The following SORBS2 variants were observed in gnomAD, a reference collection of about 807,000 sequenced individuals.
SORBS2 encodes the protein sorbin and SH3 domain containing 2, also known as sorbin and SH3 domain-containing protein 2.
A neutral mutation model predicts 97.7 loss-of-function variants in SORBS2; 46 were observed. The ratio of observed to expected loss-of-function variants is 0.47; its 90% CI spans 0.37 to 0.60. SORBS2 has a LOEUF of 0.60. Ranked by LOEUF, SORBS2 falls within the 20% of genes least tolerant of loss-of-function variation. The pLI is 0.00. For missense variants in SORBS2, 1,316 were observed against 1,282.3 expected, an observed-to-expected ratio of 1.03 and a Z score of -0.40; for synonymous variants, 476 against 473.4, an observed-to-expected ratio of 1.01 and a Z score of -0.07.
At chr4:185,909,845 A>G (rs2099253894) in intron 1 of SORBS2, among the ~76,000 whole-genome samples, 3 of 152,064 alleles carry the variant, frequency 2.0e-5, no homozygotes, top group Non-Finnish European at 4.4e-5. Context: ...TTTGCCAGGC[A>G]TGGTGGCAGG....
intron 1 of SORBS2, among the ~76,000 whole-genome samples, chr4:185,942,407 G>A (rs1232859843): frequency 1.3e-5 from 2 of 151,364 alleles, no homozygotes; most frequent in African/African-American, 4.9e-5. Context: ...CTGGAGTGCA[G>A]TGGTGTGATC....
chr4:185,619,936 T>A, intron 8 of SORBS2, 127 bp downstream of exon 20: 1 of 723,152 alleles, frequency 1.4e-6, no homozygotes, highest in South Asian at 1.6e-5. Flanking sequence ...AGGAAAATTG[T>A]TTCTAGTTTC....
At chr4:185,896,892 CAAAA>C (rs70962602) in intron 1 of SORBS2, among the ~76,000 whole-genome samples, 7 of 109,842 alleles carry the variant, frequency 6.4e-5, no homozygotes, top group Admixed American at 2.7e-4. Flanking sequence ...TACACATGGC[CAAAA>C]AAAAAAAAAA....
intron 2 of SORBS2, among the ~76,000 whole-genome samples, chr4:185,755,507 T>A (rs899043042): frequency 6.6e-6 from 1 of 152,220 alleles, no homozygotes; most frequent in Admixed American, 6.5e-5. Flanking sequence ...AGTTTTCTAC[T>A]CATAAAATAC....
At chr4:185,611,570 A>T (rs2096539718) in intron 12 of SORBS2, among the ~76,000 whole-genome samples, 1 of 152,190 alleles carries the variant, frequency 6.6e-6, no homozygotes, top group South Asian at 2.1e-4. Context: ...GAAATGAGCA[A>T]AATTAATCAT....
intron 1 of SORBS2, among the ~76,000 whole-genome samples, chr4:185,838,836 C>T (rs891838646): frequency 6.4e-4 from 98 of 152,142 alleles, no homozygotes; most frequent in Non-Finnish European, 1.2e-3. Flanking sequence ...GACATGGAAC[C>T]TCCTGTCTCT....
At chr4:185,887,358 A>G (rs1436759136) in intron 1 of SORBS2, among the ~76,000 whole-genome samples, 2 of 152,242 alleles carry the variant, frequency 1.3e-5, no homozygotes, top group Non-Finnish European at 1.5e-5. Context: ...TCTTTTATAC[A>G]GTTCCGAAAC....
chr4:185,779,437 C>T (rs1434779222), intron 1 of SORBS2, among the ~76,000 whole-genome samples: 1 of 152,156 alleles, frequency 6.6e-6, no homozygotes, highest in Non-Finnish European at 1.5e-5. Flanking sequence ...AAAAACTGTG[C>T]AGATTTCCAT....
At chr4:185,638,962 C>T (rs1168222730) in intron 4 of SORBS2, 2 of 1,523,426 alleles carry the variant, frequency 1.3e-6, no homozygotes, top group South Asian at 1.2e-5. Context: ...AGTGACTTCT[C>T]CGAGTCGGGA....
intron 1 of SORBS2, among the ~76,000 whole-genome samples, chr4:185,797,193 G>A (rs1226870283): frequency 6.6e-6 from 1 of 152,212 alleles, no homozygotes; most frequent in Non-Finnish European, 1.5e-5. Context: ...GGCAGACACT[G>A]TTTCAGATGC....
At chr4:185,921,040 G>C (rs1441143948) in intron 1 of SORBS2, among the ~76,000 whole-genome samples, 1 of 152,206 alleles carries the variant, frequency 6.6e-6, no homozygotes, top group African/African-American at 2.4e-5. Flanking sequence ...GGGCTGGGCG[G>C]GGAATGCTGA....
intron 1 of SORBS2, among the ~76,000 whole-genome samples, chr4:185,813,525 G>A (rs138039047): frequency 0.013 from 2,021 of 152,294 alleles, 27 homozygotes; most frequent in Admixed American, 0.034. Flanking sequence ...CTTCCCTGAA[G>A]TTATTTTGCA....
intron 1 of SORBS2, among the ~76,000 whole-genome samples, chr4:185,655,807 T>G (rs1030245081): frequency 6.6e-6 from 1 of 152,228 alleles, no homozygotes; most frequent in Non-Finnish European, 1.5e-5. Flanking sequence ...AAATTATGTC[T>G]TATAAAGGAA....
Position 185,868,403 on chromosome 4 carries a change from A to G in SORBS2, c.-338+87793T>C, listed in dbSNP as rs563272610. Among the ~76,000 whole-genome samples, 240 of 151,012 alleles carry G rather than the reference A, an allele frequency of 1.6e-3. 3 individuals are homozygous for G. In the South Asian group the frequency reaches 0.016, roughly 10 times the overall value. ...AATCTCCTGATCTCGTGATCCACCC[A>G]CCTCGGCCTCCCAAAGTGCTGGGAT... On this transcript the variant is annotated intron_variant, in intron 1 of 20. Coordinates refer to the SORBS2 transcript ENST00000284776.
chr4:185,677,292 A>G (rs1368407221), intron 4 of SORBS2: 3 of 1,552,092 alleles, frequency 1.9e-6, no homozygotes, highest in South Asian at 2.4e-5. Flanking sequence ...GGTTAGTTTC[A>G]AGGTAGAAAT....
At chr4:185,818,611 G>C (rs1446426632) in intron 1 of SORBS2, among the ~76,000 whole-genome samples, 1 of 151,996 alleles carries the variant, frequency 6.6e-6, no homozygotes, top group African/African-American at 2.4e-5. Context: ...CCTTGTGAGA[G>C]GTCAGGAGAT....
At position 185,806,589 on chromosome 4, in the gene SORBS2, C is replaced by T. The variant is rs867804396; in HGVS notation, c.-337-31223G>A. Among the ~76,000 whole-genome samples the T allele has an allele frequency of 1.4e-3, 210 of 150,298 alleles. 1 individual carries two copies. Among genetic ancestry groups the T allele is most frequent in the Middle Eastern group, 3.4e-3 (1 of 290 alleles). On this transcript the variant is annotated intron_variant, in intron 1 of 20. Transcript: ENST00000284776. ...TCTCCTGCCTCAGCCTCCCGAGTAG[C>T]TGGGACTACAGGCGCCCGCCACTAC...
intron 4 of SORBS2, 108 bp downstream of exon 14, chr4:185,638,769 G>A (rs1416162287): frequency 1.9e-6 from 2 of 1,049,286 alleles, no homozygotes; most frequent in Non-Finnish European, 2.6e-6. Context: ...GGCCTGGATG[G>A]GTGCGAGCGG....
intron 2 of SORBS2, among the ~76,000 whole-genome samples, chr4:185,715,175 C>A (rs1023868122): frequency 2.6e-5 from 4 of 152,224 alleles, no homozygotes; most frequent in Middle Eastern, 3.4e-3. Flanking sequence ...AATAAGTTGC[C>A]TAAACTGAAA....
Sources: allele counts gnomAD v4.1 joint callset (sites outside exome capture counted in the v4.1 genomes callset), GRCh38; gene constraint gnomAD v4.1.1; transcripts MANE v1.5; gene names NCBI Gene and HGNC (gene_info 2026-07-23, HGNC 2026-07-21).